The following VPS13C variants were observed in gnomAD, a reference collection of about 807,000 sequenced individuals.
VPS13C encodes the protein intermembrane lipid transfer protein VPS13C.
In VPS13C, 358 loss-of-function variants were observed where a neutral mutation model predicts 456.8. The ratio of observed to expected loss-of-function variants is 0.78; its 90% CI spans 0.72 to 0.86. The LOEUF is 0.86. Ranked by LOEUF, VPS13C falls within the 40% of genes least tolerant of loss-of-function variation. The pLI is 0.00. For missense variants in VPS13C, 4,818 were observed against 4,385.4 expected (o/e 1.10, Z -2.79); for synonymous variants, 1,578 against 1,486.7 (o/e 1.06, Z -1.41).
intron 66 of VPS13C, among the ~76,000 whole-genome samples, chr15:61,903,074 C>G (rs2043050191): frequency 6.6e-6 from 1 of 151,988 alleles, no homozygotes; most frequent in South Asian, 2.1e-4. Context: ...GCCTGCAATC[C>G]TAGCACTTTC....
At chr15:61,975,751 T>C (rs1002790999) in intron 24 of VPS13C, among the ~76,000 whole-genome samples, 10 of 152,056 alleles carry the variant, frequency 6.6e-5, no homozygotes, top group African/African-American at 2.4e-4. Flanking sequence ...ACTCAATGCA[T>C]GAGGCCAACA....
At chr15:62,054,371 A>AG (rs2048721163) in intron 1 of VPS13C, among the ~76,000 whole-genome samples, 1 of 152,116 alleles carries the variant, frequency 6.6e-6, no homozygotes, top group African/African-American at 2.4e-5. Flanking sequence ...AGGCAAATAG[A>AG]GGTTTTTTTT....
intron 18 of VPS13C, among the ~76,000 whole-genome samples, chr15:61,987,974 C>CA (rs1000505262): frequency 4.4e-4 from 66 of 151,364 alleles, no homozygotes; most frequent in Non-Finnish European, 8.6e-4. Context: ...AAACCAGAAA[C>CA]AAAAAAATAT....
intron 82 of VPS13C, among the ~76,000 whole-genome samples, chr15:61,863,103 A>C (rs1202391470): frequency 6.6e-6 from 1 of 152,116 alleles, no homozygotes; most frequent in African/African-American, 2.4e-5. Context: ...TTCATGAATT[A>C]ATCCTCCATA....
chr15:61,984,494 C>T (rs1024510406), intron 19 of VPS13C, among the ~76,000 whole-genome samples: 4 of 152,172 alleles, frequency 2.6e-5, no homozygotes, highest in Non-Finnish European at 2.9e-5. Flanking sequence ...TACCTTAGAG[C>T]TGTCTAATGT....
rs887000609 is a variant in VPS13C, at chr15:61,926,948, A to G, written c.6516+143T>C. 5.4e-6 allele frequency: 4 copies of G among 740,820 alleles called. No homozygotes were observed. In the Admixed American group the frequency reaches 9.2e-5, roughly 17 times the overall value. 45.9% of individuals were successfully genotyped at this position (740,820 alleles called of 1,614,324 possible). On this transcript the variant is annotated intron_variant, in intron 52 of 84. Transcript: ENST00000644861. The stretch of plus-strand genomic sequence containing the variant: ...GGCTAAGTCATTTAACATCTTTGGA[A>G]TTCAATATCTTTATATGTAAAACCC...
At chr15:61,895,454 T>G (rs989032796) in intron 66 of VPS13C, among the ~76,000 whole-genome samples, 4 of 152,034 alleles carry the variant, frequency 2.6e-5, no homozygotes, top group Non-Finnish European at 5.9e-5. Flanking sequence ...AACTTTTAGC[T>G]AGACTACAAA....
intron 1 of VPS13C, among the ~76,000 whole-genome samples, chr15:62,055,385 G>A (rs1459093629): frequency 2.0e-5 from 3 of 150,256 alleles, no homozygotes; most frequent in African/African-American, 7.4e-5. Context: ...CTGCCCCCAT[G>A]CCCGGCTAAT....
intron 82 of VPS13C, among the ~76,000 whole-genome samples, chr15:61,859,232 A>T (rs2098850): frequency 6.6e-6 from 1 of 151,752 alleles, no homozygotes; most frequent in African/African-American, 2.4e-5. Context: ...TTAGCTGGTG[A>T]ATGCCTGTGG....
At chr15:61,934,160 C>G in intron 49 of VPS13C, 59 bp downstream of exon 49, 1 of 1,202,896 alleles carries the variant, frequency 8.3e-7, no homozygotes, top group Non-Finnish European at 1.1e-6. Context: ...AGCCAACACT[C>G]TAAAACTGAC....
intron 66 of VPS13C, among the ~76,000 whole-genome samples, chr15:61,891,071 C>A (rs1014472960): frequency 6.6e-6 from 1 of 152,104 alleles, no homozygotes; most frequent in Non-Finnish European, 1.5e-5. Context: ...AGAAATGTAA[C>A]CTCAGACAAA....
intron 78 of VPS13C, 152 bp downstream of exon 78, chr15:61,873,094 G>A (rs1338931141): frequency 9.3e-6 from 11 of 1,179,074 alleles, no homozygotes; most frequent in Non-Finnish European, 1.3e-5. Flanking sequence ...TGGGGAAGGG[G>A]AGCAAAAAGG....
chr15:61,884,252 T>C lies in VPS13C; in HGVS notation c.9359A>G (p.Glu3120Gly). The change falls in exon 68 of 85, where the codon GAG becomes GGG. Residue 3120 changes from glutamate to glycine, a missense_variant. Physicochemically the swap from Glu to Gly is moderately conservative, Grantham distance 98. Around this residue, in one of 3 missense-constraint regions of VPS13C, gnomAD observed 4,552 missense variants for 4,130.6 expected, o/e 1.10. Coordinates refer to ENST00000644861, the MANE Select transcript of VPS13C (RefSeq NM_020821.3). ...CTTCCATTTCTGCTTTGGTTTCACC[T>C]CCCAAACAACACCAGAACTAAATAA... ...IGITSSGVVW[E>G]VKPKQKWKPF... 1 of 1,610,928 alleles carries C rather than the reference T, an allele frequency of 6.2e-7. No individual in the cohort carries two copies. Among genetic ancestry groups the C allele is most frequent in the Non-Finnish European group, 8.5e-7 (1 of 1,178,952 alleles).
Position 61,859,735 on chromosome 15 carries a change from G to A in VPS13C, c.10953-3326C>T, listed in dbSNP as rs576632703. On this transcript the variant is annotated intron_variant, in intron 82 of 84. Transcript: ENST00000644861. The stretch of plus-strand genomic sequence containing the variant: ...TCGCTCTTCTTAGCACCTATCACAC[G>A]GTGATATCATTGATAATTTGTAGCC... 1.9e-3 allele frequency among the ~76,000 whole-genome samples: 285 copies of A among 152,118 alleles called. 3 individuals are homozygous for A. Among genetic ancestry groups the A allele is most frequent in the African/African-American group, 6.5e-3 (268 of 41,482 alleles).
intron 13 of VPS13C, among the ~76,000 whole-genome samples, chr15:62,009,396 C>T (rs1008423752): frequency 2.7e-5 from 4 of 150,704 alleles, no homozygotes; most frequent in Non-Finnish European, 4.4e-5. Flanking sequence ...TAGCTTCCTC[C>T]TCTCTAATTT....
At chr15:62,055,672 C>T (rs1567156384) in intron 1 of VPS13C, among the ~76,000 whole-genome samples, 2 of 152,096 alleles carry the variant, frequency 1.3e-5, no homozygotes, top group African/African-American at 4.8e-5. Context: ...CAAAGATCAT[C>T]CAAGCAAAGA....
At chr15:61,988,174 A>C (rs1330679988) in intron 18 of VPS13C, among the ~76,000 whole-genome samples, 1 of 152,232 alleles carries the variant, frequency 6.6e-6, no homozygotes, top group African/African-American at 2.4e-5. Context: ...CATAAGTTAT[A>C]AAGTGTTTGT....
At chr15:62,031,470 A>T (rs575927894) in intron 5 of VPS13C, among the ~76,000 whole-genome samples, 2 of 152,182 alleles carry the variant, frequency 1.3e-5, no homozygotes, top group Non-Finnish European at 2.9e-5. Context: ...GATGTGACTC[A>T]TATCCACAGA....
intron 9 of VPS13C, 50 bp downstream of exon 9, chr15:62,020,429 G>A (rs1162609252): frequency 6.6e-7 from 1 of 1,517,514 alleles, no homozygotes; most frequent in Admixed American, 2.0e-5. Context: ...TGTGACTTCA[G>A]AATAATACTT....
Sources: allele counts gnomAD v4.1 joint callset (sites outside exome capture counted in the v4.1 genomes callset), GRCh38; gene constraint gnomAD v4.1.1; regional missense constraint gnomAD v4.1.1; transcripts MANE v1.5; gene names NCBI Gene and HGNC (gene_info 2026-07-23, HGNC 2026-07-21).